Variants in FTO observed in about 807,000 individuals in gnomAD.
The protein encoded by FTO is FTO alpha-ketoglutarate dependent dioxygenase.
A neutral mutation model predicts 63.9 loss-of-function variants in FTO; 47 were observed. The ratio of observed to expected loss-of-function variants is 0.74; its 90% CI spans 0.58 to 0.94. The LOEUF (loss-of-function observed/expected upper bound fraction) is 0.94. Ranked by LOEUF, FTO falls within the 40% of genes least tolerant of loss-of-function variation. FTO has a pLI of 0.00. For missense variants in FTO, 562 were observed against 618.1 expected, an observed-to-expected ratio of 0.91 and a Z score of 0.96; for synonymous variants, 207 against 224.4, an observed-to-expected ratio of 0.92 and a Z score of 0.69.
At chr16:53,854,059 T>C (rs2079899316) in intron 4 of FTO, among the ~76,000 whole-genome samples, 1 of 152,230 alleles carries the variant, frequency 6.6e-6, no homozygotes. Flanking sequence ...AATTTGCATT[T>C]CTTTGATGAT....
intron 4 of FTO, among the ~76,000 whole-genome samples, chr16:53,858,197 G>C (rs2080065055): frequency 6.6e-6 from 1 of 152,088 alleles, no homozygotes; most frequent in Admixed American, 6.5e-5. Flanking sequence ...TTCCAAGGTA[G>C]ACATTTTTTC....
intron 1 of FTO, among the ~76,000 whole-genome samples, chr16:53,711,892 G>C (rs2075784525): frequency 6.6e-6 from 1 of 152,114 alleles, no homozygotes; most frequent in Non-Finnish European, 1.5e-5. Context: ...GGTGATAGTT[G>C]TCTTATCAAC....
chr16:53,931,276 G>C (rs1352542527), intron 7 of FTO, among the ~76,000 whole-genome samples: 1 of 145,706 alleles, frequency 6.9e-6, no homozygotes, highest in Non-Finnish European at 1.5e-5. Context: ...TGTATCCACA[G>C]ATATAACCAC....
chr16:53,994,056 A>T (rs1442746574), intron 8 of FTO: 1 of 152,232 alleles, frequency 6.6e-6, no homozygotes, highest in Non-Finnish European at 1.5e-5. Context: ...TTTAATTTGC[A>T]AATGGGATTG....
intron 2 of FTO, among the ~76,000 whole-genome samples, chr16:53,818,720 T>G (rs954190636): frequency 6.6e-6 from 1 of 151,996 alleles, no homozygotes; most frequent in African/African-American, 2.4e-5. Context: ...TGAGATCTCT[T>G]GTCTATCTTG....
intron 8 of FTO, among the ~76,000 whole-genome samples, chr16:54,034,936 T>C (rs2144237737): frequency 6.6e-6 from 1 of 152,232 alleles, no homozygotes; most frequent in East Asian, 1.9e-4. Context: ...GGAAAGTGCA[T>C]CCCTTCCAAA....
intron 8 of FTO, among the ~76,000 whole-genome samples, chr16:53,962,572 A>G (rs1599098917): frequency 6.6e-6 from 1 of 152,138 alleles, no homozygotes; most frequent in East Asian, 1.9e-4. Context: ...CTGCCCCCAA[A>G]TTTAGGGACA....
intron 1 of FTO, among the ~76,000 whole-genome samples, chr16:53,713,804 A>C (rs944012632): frequency 6.6e-6 from 1 of 152,204 alleles, no homozygotes; most frequent in African/African-American, 2.4e-5. Context: ...AACTGTAGGT[A>C]CAATGTTGTA....
chr16:54,116,174 C>G lies in FTO; in HGVS notation c.*4259C>G, dbSNP rs1343935553. 1 of 152,090 alleles carries G rather than the reference C, an allele frequency of 6.6e-6. No individual in the cohort carries two copies. Among genetic ancestry groups the G allele is most frequent in the African/African-American group, 2.4e-5 (1 of 41,396 alleles). 9.4% of individuals were successfully genotyped at this position (152,090 alleles called of 1,614,324 possible). A position where few individuals can be genotyped will look rare whatever the true frequency, so the allele number is the denominator to read the frequency against. Reference sequence around the variant, plus strand: ...TTTAACGGATCCCACATTCAGTAGACGGTTTTTTGTATGCTTCGAGGGAAG... The same window carrying G: ...TTTAACGGATCCCACATTCAGTAGAGGGTTTTTTGTATGCTTCGAGGGAAG... On this transcript the variant is annotated 3_prime_UTR_variant, in exon 9 of 9. Coordinates refer to ENST00000471389, the MANE Select transcript of FTO (RefSeq NM_001080432.3).
At chr16:53,935,761 T>A (rs1230140554) in intron 8 of FTO, 1 of 152,160 alleles carries the variant, frequency 6.6e-6, no homozygotes, top group Non-Finnish European at 1.5e-5. Context: ...CAATTTACCT[T>A]TCAATAATTA....
At chr16:53,886,873 A>G (rs1029072703) in intron 6 of FTO, 1 of 152,230 alleles carries the variant, frequency 6.6e-6, no homozygotes, top group African/African-American at 2.4e-5. Context: ...CCATGTCTAT[A>G]TATGGAACAT....
intron 8 of FTO, among the ~76,000 whole-genome samples, chr16:53,945,689 T>C (rs1380828659): frequency 6.6e-6 from 1 of 152,208 alleles, no homozygotes; most frequent in African/African-American, 2.4e-5. Flanking sequence ...GTTATCACCT[T>C]TATATGCTCT....
chr16:53,979,187 A>T (rs2083489447), intron 8 of FTO, among the ~76,000 whole-genome samples: 1 of 152,172 alleles, frequency 6.6e-6, no homozygotes, highest in African/African-American at 2.4e-5. Context: ...TTAGGGTTTC[A>T]CTTTTAAATA....
intron 8 of FTO, among the ~76,000 whole-genome samples, chr16:54,022,169 T>TA: frequency 6.6e-6 from 1 of 152,234 alleles, no homozygotes; most frequent in Non-Finnish European, 1.5e-5. Context: ...TCACCTGCCC[T>TA]AAGTCTACAG....
intron 3 of FTO, among the ~76,000 whole-genome samples, chr16:53,829,603 T>G (rs2079092611): frequency 2.0e-5 from 3 of 152,176 alleles, no homozygotes; most frequent in Non-Finnish European, 4.4e-5. Flanking sequence ...TTGGTTGAGG[T>G]TGAGAAGGGC....
At chr16:53,788,378 G>A (rs980958817) in intron 1 of FTO, among the ~76,000 whole-genome samples, 4 of 151,962 alleles carry the variant, frequency 2.6e-5, no homozygotes, top group Non-Finnish European at 5.9e-5. Context: ...TGAGGTGGGC[G>A]GCTCACTTGA....
At chr16:53,835,252 T>C (rs773387789) in intron 3 of FTO, among the ~76,000 whole-genome samples, 32 of 152,194 alleles carry the variant, frequency 2.1e-4, no homozygotes, top group Non-Finnish European at 4.1e-4. Context: ...TCCCTTTCTG[T>C]GACCTCTTCA....
intron 6 of FTO, chr16:53,887,071 C>T (rs1359306836): frequency 6.6e-6 from 1 of 152,178 alleles, no homozygotes; most frequent in Non-Finnish European, 1.5e-5. Context: ...TTAACTCAGC[C>T]TCTCATCTAA....
chr16:53,720,615 GATAT>G (rs1296374767), intron 1 of FTO, among the ~76,000 whole-genome samples: 2 of 143,508 alleles, frequency 1.4e-5, no homozygotes, highest in East Asian at 2.0e-4. Flanking sequence ...AACTTAAAAA[GATAT>G]ATATATATCT....
Sources: allele counts gnomAD v4.1 joint callset (sites outside exome capture counted in the v4.1 genomes callset), GRCh38; gene constraint gnomAD v4.1.1; transcripts MANE v1.5; gene names NCBI Gene and HGNC (gene_info 2026-07-23, HGNC 2026-07-21).